Variants in VWF observed in about 807,000 individuals in gnomAD.
VWF encodes Factor VIII related antigen.
Under a neutral mutation model 308.6 loss-of-function variants are expected in VWF, and 176 were observed. That is an observed-to-expected ratio of 0.57 (90% confidence interval 0.50 to 0.65). The LOEUF is 0.65. VWF is among the 30% of genes least tolerant of loss of function. VWF has a pLI of 0.00. For synonymous variants in VWF, 1,385 were observed against 1,443.4 expected (o/e 0.96, Z 0.92); for missense variants, 3,146 against 3,648.2 (o/e 0.86, Z 3.55).
intron 34 of VWF, among the ~76,000 whole-genome samples, chr12:5,999,491 CA>C (rs752796249): frequency 1.2e-3 from 186 of 149,494 alleles, no homozygotes; most frequent in Middle Eastern, 3.4e-3. Flanking sequence ...CACACACACA[CA>C]CACACACACA....
intron 32 of VWF, among the ~76,000 whole-genome samples, 164 bp downstream of exon 32, chr12:6,013,317 A>G (rs1339968327): frequency 6.6e-6 from 1 of 152,236 alleles, no homozygotes; most frequent in Non-Finnish European, 1.5e-5. Flanking sequence ...TACACCTCCC[A>G]TGAACAGAAA....
At chr12:5,975,457 G>A (rs1211960246) in intron 43 of VWF, among the ~76,000 whole-genome samples, 1 of 152,156 alleles carries the variant, frequency 6.6e-6, no homozygotes, top group Non-Finnish European at 1.5e-5. Context: ...AAACATGCAA[G>A]AATAGGGCAC....
chr12:6,103,284 G>A (rs1404794768), intron 5 of VWF, among the ~76,000 whole-genome samples: 7 of 151,688 alleles, frequency 4.6e-5, no homozygotes, highest in Admixed American at 6.6e-5. Flanking sequence ...GCCAATCCAC[G>A]CCACTGCACT....
In VWF at chr12:5,952,768, G is replaced by A. The variant is rs116259542; in HGVS notation, c.7987-249C>T. On this transcript the variant is annotated intron_variant, in intron 48 of 51. Coordinates refer to ENST00000261405, the MANE Select transcript of VWF (RefSeq NM_000552.5). ...ACCAGTTAAATGCTTGAAGGATTGAGATATAGCAACAGTAAACTGGCTAGC... is the reference window on the plus strand; with the variant it reads ...ACCAGTTAAATGCTTGAAGGATTGAAATATAGCAACAGTAAACTGGCTAGC... Among the ~76,000 whole-genome samples, 404 of 152,318 alleles carry A rather than the reference G, an allele frequency of 2.7e-3. 1 individual carries two copies. Among genetic ancestry groups the A allele is most frequent in the Non-Finnish European group, 3.8e-3 (257 of 68,036 alleles).
intron 5 of VWF, among the ~76,000 whole-genome samples, chr12:6,106,300 C>G (rs1310634809): frequency 6.6e-6 from 1 of 151,986 alleles, no homozygotes; most frequent in Admixed American, 6.6e-5. Flanking sequence ...CATGAATGAA[C>G]CTTGAGGACA....
chr12:6,063,011 G>A lies in VWF; in HGVS notation c.1476C>T (p.Leu492=), dbSNP rs551665619. Residue 492 remains leucine, a synonymous_variant, in exon 13 of 52, where the codon CTC becomes CTT. Transcript: ENST00000261405. The surrounding 1 kb of genome is among the most constrained non-coding windows in gnomAD (Gnocchi z 4.9). ...CCATCTGCAGGTCCTCCCCGTAGCT[G>A]AGGCGCACGGAGGCCGTCACTGTAT... ...IQHTVTASVR[L]SYGEDLQMDW... The A allele has an allele frequency of 1.2e-5, 19 of 1,613,554 alleles. No homozygotes were observed. The African/African-American group carries it at 1.6e-4, about 14-fold the overall frequency.
intron 25 of VWF, 91 bp from the exon 26 acceptor site, chr12:6,022,989 T>C: frequency 2.8e-6 from 1 of 354,264 alleles, no homozygotes; most frequent in Non-Finnish European, 5.1e-6. Context: ...CATCTGGAGA[T>C]AATGTTGGGG....
chr12:6,065,052 C>T lies in VWF; in HGVS notation c.1293+85G>A, dbSNP rs1220009241. Reference sequence around the variant, plus strand: ...CATGCACAGAAAGCAATGCCCCACGCCTTCCAGGGACTGCCCATTCAGCCT... The same window carrying T: ...CATGCACAGAAAGCAATGCCCCACGTCTTCCAGGGACTGCCCATTCAGCCT... On this transcript the variant is annotated intron_variant, in intron 11 of 51. Transcript: ENST00000261405. 1.8e-5 allele frequency: 29 copies of T among 1,595,032 alleles called. No homozygotes were observed. The East Asian group carries it at 6.5e-4, about 36-fold the overall frequency.
At chr12:5,967,443 C>T (rs762917566) in intron 47 of VWF, 43 bp downstream of exon 47, 154 of 1,555,948 alleles carry the variant, frequency 9.9e-5, no homozygotes, top group African/African-American at 1.4e-4. Context: ...GGGTCCCACA[C>T]GCGTCCAGTC....
intron 6 of VWF, among the ~76,000 whole-genome samples, chr12:6,078,591 T>G (rs1431731891): frequency 1.3e-5 from 2 of 152,208 alleles, no homozygotes; most frequent in African/African-American, 4.8e-5. Context: ...ATGCACTCCC[T>G]GGGGTTTTCC....
intron 16 of VWF, among the ~76,000 whole-genome samples, chr12:6,051,412 C>T (rs1003776872): frequency 6.6e-6 from 1 of 151,874 alleles, no homozygotes; most frequent in Non-Finnish European, 1.5e-5. Context: ...CTGCCTCAGC[C>T]TCCCAAATAG....
intron 5 of VWF, among the ~76,000 whole-genome samples, chr12:6,103,406 G>C (rs868143583): frequency 1.7e-5 from 2 of 115,940 alleles, no homozygotes; most frequent in African/African-American, 1.1e-4. Context: ...ACACGTGTGT[G>C]TATACACACG....
chr12:5,980,166 G>GGAGT (rs1306991607), intron 42 of VWF, among the ~76,000 whole-genome samples: 2 of 41,422 alleles, frequency 4.8e-5, no homozygotes, highest in Non-Finnish European at 1.2e-4. Context: ...AGTGAGGGAG[G>GGAGT]GAGGGAGGGA....
chr12:6,063,114 C>T lies in VWF; in HGVS notation c.1433-60G>A, dbSNP rs1944673677. 1 of 1,428,276 alleles carries T rather than the reference C, an allele frequency of 7.0e-7. No individual in the cohort carries two copies. Among genetic ancestry groups the T allele is most frequent in the African/African-American group, 1.4e-5 (1 of 72,454 alleles). The allele number at this position is 1,428,276 out of a possible 1,614,324, so 88.5% of individuals were successfully genotyped here. On this transcript the variant is annotated intron_variant, in intron 12 of 51. Transcript: ENST00000261405. The surrounding 1 kb of genome is among the most constrained non-coding windows in gnomAD (Gnocchi z 4.9). ...GGGGAGAGGACAGGGTGGTGGCAGG[C>T]AGATGTATTTGGGAGGAAATGGGGT...
intron 6 of VWF, among the ~76,000 whole-genome samples, chr12:6,076,724 A>G (rs1206877490): frequency 6.6e-6 from 1 of 152,202 alleles, no homozygotes; most frequent in Non-Finnish European, 1.5e-5. Flanking sequence ...GAGGAAAGAA[A>G]CGACCCGTTT....
intron 42 of VWF, among the ~76,000 whole-genome samples, chr12:5,978,584 A>C (rs185222032): frequency 6.6e-6 from 1 of 152,358 alleles, no homozygotes; most frequent in Admixed American, 6.5e-5. Flanking sequence ...AGATAAAGCA[A>C]ATAAGTAGTT....
In VWF at chr12:6,075,266, C is replaced by T; in HGVS notation, c.874+69G>A. The T allele has an allele frequency of 2.5e-6, 4 of 1,602,522 alleles. No homozygotes were observed. The South Asian group carries it at 3.3e-5, about 13-fold the overall frequency. On this transcript the variant is annotated intron_variant, in intron 7 of 51. Coordinates refer to ENST00000261405, the MANE Select transcript of VWF (RefSeq NM_000552.5). This position sits in a 1 kb window ranked among gnomAD's most constrained non-coding sequence, Gnocchi z 4.7. Reference sequence around the variant, plus strand: ...ATACGTGACACAGCCCCGAAGCACCCTAAGGGACACCACCCAGGACAGACC... The same window carrying T: ...ATACGTGACACAGCCCCGAAGCACCTTAAGGGACACCACCCAGGACAGACC...
chr12:6,085,173 C>T (rs78480654), intron 6 of VWF, among the ~76,000 whole-genome samples: 1,845 of 152,302 alleles, frequency 0.012, 41 homozygotes, highest in African/African-American at 0.04. Flanking sequence ...TGGACAAGGA[C>T]GGGGCACCAT....
At chr12:5,950,454 G>C (rs1015335745) in intron 50 of VWF, among the ~76,000 whole-genome samples, 2 of 151,996 alleles carry the variant, frequency 1.3e-5, no homozygotes, top group African/African-American at 4.8e-5. Flanking sequence ...ACAGGGGTTA[G>C]TGGCATTCAG....
Sources: allele counts gnomAD v4.1 joint callset (sites outside exome capture counted in the v4.1 genomes callset), GRCh38; gene constraint gnomAD v4.1.1; non-coding constraint Gnocchi (gnomAD v3.1); transcripts MANE v1.5; gene names NCBI Gene and HGNC (gene_info 2026-07-23, HGNC 2026-07-21).